The following RHBDD1 variants were observed in gnomAD, a reference collection of about 807,000 sequenced individuals.
RHBDD1 encodes rhomboid domain containing 1.
In RHBDD1, 38 loss-of-function variants were observed where a neutral mutation model predicts 36.3. The observed-to-expected ratio is 1.05, with a 90% CI of 0.81 to 1.37. RHBDD1 has a LOEUF of 1.37. Among genes scored for constraint, RHBDD1 ranks in the 40% most tolerant of loss-of-function variants. The pLI is 0.00. For synonymous variants in RHBDD1, 151 were observed against 136.5 expected, an observed-to-expected ratio of 1.11 and a Z score of -0.74; for missense variants, 393 against 377.6, an observed-to-expected ratio of 1.04 and a Z score of -0.34.
intron 8 of RHBDD1, among the ~76,000 whole-genome samples, chr2:226,949,955 G>A (rs759994632): frequency 6.6e-6 from 1 of 152,130 alleles, no homozygotes; most frequent in Admixed American, 6.5e-5. Context: ...GATCAAAATT[G>A]TATCTGTTTT....
intron 8 of RHBDD1, among the ~76,000 whole-genome samples, chr2:226,919,654 G>C (rs1409869957): frequency 6.6e-6 from 1 of 151,924 alleles, no homozygotes; most frequent in Admixed American, 6.6e-5. Context: ...TTTGTTTCTG[G>C]GTTCTCTGTT....
chr2:226,846,419 A>G (rs1942218717), intron 3 of RHBDD1, among the ~76,000 whole-genome samples: 1 of 152,190 alleles, frequency 6.6e-6, no homozygotes, highest in African/African-American at 2.4e-5. Context: ...TGAGTAATGA[A>G]AACTTCCAGC....
At chr2:226,911,333 A>G (rs1259184013) in intron 7 of RHBDD1, among the ~76,000 whole-genome samples, 1 of 152,106 alleles carries the variant, frequency 6.6e-6, no homozygotes, top group African/African-American at 2.4e-5. Context: ...AAATTACCCA[A>G]TATACTTTTT....
At chr2:226,919,088 A>G (rs1054752674) in intron 8 of RHBDD1, among the ~76,000 whole-genome samples, 30 of 152,192 alleles carry the variant, frequency 2.0e-4, no homozygotes, top group Admixed American at 7.9e-4. Flanking sequence ...ACCTTTTCAT[A>G]TGCCTTTTTG....
At chr2:226,969,429 G>A (rs1004676487) in intron 8 of RHBDD1, among the ~76,000 whole-genome samples, 15 of 121,436 alleles carry the variant, frequency 1.2e-4, no homozygotes, top group African/African-American at 4.4e-4. Flanking sequence ...AAGTAGACCT[G>A]TTTTTGATGC....
At chr2:226,935,368 G>A (rs1950271361) in intron 8 of RHBDD1, 1 of 152,052 alleles carries the variant, frequency 6.6e-6, no homozygotes, top group Admixed American at 6.6e-5. Context: ...AGTTAAAAAG[G>A]GGAGATAATT....
intron 5 of RHBDD1, among the ~76,000 whole-genome samples, chr2:226,879,412 TG>T (rs1201958236): frequency 6.6e-6 from 1 of 152,230 alleles, no homozygotes; most frequent in Non-Finnish European, 1.5e-5. Context: ...GAACAAGTAC[TG>T]TTTGTTCACG....
In RHBDD1 at chr2:226,844,459, G is replaced by A. The variant is rs147688063; in HGVS notation, c.-91+4832G>A. 3.9e-5 allele frequency among the ~76,000 whole-genome samples: 6 copies of A among 152,308 alleles called. No homozygotes were observed. In the South Asian group the frequency reaches 1.0e-3, roughly 26 times the overall value. Reference sequence around the variant, plus strand: ...GTAATATAACATATATTTGAAGCATGGCATGCTTTTCCCCCTTTTCACTAG... The same window carrying A: ...GTAATATAACATATATTTGAAGCATAGCATGCTTTTCCCCCTTTTCACTAG... On this transcript the variant is annotated intron_variant, in intron 3 of 8. Coordinates refer to ENST00000392062, the MANE Select transcript of RHBDD1 (RefSeq NM_001167608.3).
At chr2:226,882,270 A>C (rs1339910906) in intron 5 of RHBDD1, among the ~76,000 whole-genome samples, 1 of 151,898 alleles carries the variant, frequency 6.6e-6, no homozygotes, top group African/African-American at 2.4e-5. Context: ...TCTCTACTAA[A>C]AATACAAAAA....
At chr2:226,875,578 T>C (rs750606930) in intron 5 of RHBDD1, among the ~76,000 whole-genome samples, 1 of 151,948 alleles carries the variant, frequency 6.6e-6, no homozygotes, top group Non-Finnish European at 1.5e-5. Context: ...TCAATAAAAA[T>C]AGAGGAACAG....
chr2:226,977,142 A>T (rs550808986), intron 8 of RHBDD1, among the ~76,000 whole-genome samples: 1 of 152,106 alleles, frequency 6.6e-6, no homozygotes, highest in African/African-American at 2.4e-5. Context: ...TTGTTCTGGA[A>T]ATGAGGAACT....
intron 8 of RHBDD1, among the ~76,000 whole-genome samples, chr2:226,975,985 A>G (rs960829469): frequency 6.6e-6 from 1 of 151,924 alleles, no homozygotes; most frequent in Admixed American, 6.6e-5. Flanking sequence ...TCATGGTTCC[A>G]GTTGAAAATA....
intron 3 of RHBDD1, among the ~76,000 whole-genome samples, chr2:226,840,345 G>A (rs1941475164): frequency 2.0e-5 from 3 of 152,094 alleles, no homozygotes. Context: ...TGTGCATTCC[G>A]GTTTGCATGT....
At chr2:226,987,225 A>G (rs1396295431) in intron 8 of RHBDD1, among the ~76,000 whole-genome samples, 1 of 152,188 alleles carries the variant, frequency 6.6e-6, no homozygotes, top group Admixed American at 6.5e-5. Context: ...TACCCAATGC[A>G]TCTGGGGCTT....
In RHBDD1 at chr2:226,997,419, A is replaced by T. The variant is rs970444652; in HGVS notation, c.*1897A>T. On this transcript the variant is annotated 3_prime_UTR_variant, in exon 9 of 9. Transcript: ENST00000392062. ...CCCCTATTATTAACTGTGCACAGCT[A>T]CACAAAGGTGTGCCTTCTACGTGGG... 3.9e-5 allele frequency: 6 copies of T among 152,184 alleles called. No homozygotes were observed. Among genetic ancestry groups the T allele is most frequent in the African/African-American group, 1.4e-4 (6 of 41,440 alleles). The allele number at this position is 152,184 out of a possible 1,614,324, so 9.4% of individuals were successfully genotyped here.
At chr2:226,802,686 T>C in the RHBDD1 span, among the ~76,000 whole-genome samples, 1 of 152,236 alleles carries the variant, frequency 6.6e-6, no homozygotes, top group Non-Finnish European at 1.5e-5. Context: ...CAAAATCTGT[T>C]GCTCAATGCT....
At chr2:226,927,670 A>C (rs1949756821) in intron 8 of RHBDD1, among the ~76,000 whole-genome samples, 1 of 152,050 alleles carries the variant, frequency 6.6e-6, no homozygotes, top group Non-Finnish European at 1.5e-5. Flanking sequence ...TAGCCATTCA[A>C]ATAGGCGTGA....
chr2:226,987,882 A>G (rs1480123457), intron 8 of RHBDD1, among the ~76,000 whole-genome samples: 2 of 152,174 alleles, frequency 1.3e-5, no homozygotes, highest in African/African-American at 2.4e-5. Context: ...AGGGGATCCA[A>G]TAATCTGCAT....
At chr2:226,822,604 A>T in the RHBDD1 span, among the ~76,000 whole-genome samples, 10 of 150,572 alleles carry the variant, frequency 6.6e-5, no homozygotes, top group Admixed American at 6.0e-4. Flanking sequence ...ACTGCACTCC[A>T]GCTTAGGCGG....
Sources: gnomAD v4.1 joint callset for allele counts (sites outside exome capture counted in the v4.1 genomes callset) on GRCh38, gnomAD v4.1.1 for gene constraint, MANE v1.5 for transcripts, NCBI Gene and HGNC (gene_info 2026-07-23, HGNC 2026-07-21) for gene names.